TTLL6: variants seen among roughly 807,000 people sequenced by gnomAD.
TTLL6 encodes the protein tubulin polyglutamylase TTLL6.
In TTLL6, 75 loss-of-function variants were observed where a neutral mutation model predicts 96.4. That is an observed-to-expected ratio of 0.78 (90% CI 0.65 to 0.94). The LOEUF (loss-of-function observed/expected upper bound fraction) is 0.94, where lower values mean the gene tolerates loss of function less well. Among genes scored for constraint, TTLL6 ranks in the 40% least tolerant of loss-of-function variants. TTLL6 has a pLI of 0.00. For missense variants in TTLL6, 1,030 were observed against 1,093.0 expected (o/e 0.94, Z 0.81); for synonymous variants, 411 against 419.4 (o/e 0.98, Z 0.24).
In TTLL6 at chr17:48,787,808, T is replaced by C. The variant is rs200455261; in HGVS notation, c.1589+3A>G. ...ACCGACCTCATCCCGGATGTCTTCC[T>C]ACCGGGCATACTCCTCCCGAGCCCT... On this transcript the variant is annotated splice_donor_region_variant and intron_variant, in intron 11 of 15. Coordinates refer to ENST00000393382, the MANE Select transcript of TTLL6 (RefSeq NM_001130918.3). 3.1e-6 allele frequency: 5 copies of C among 1,613,076 alleles called. No homozygotes were observed. In the African/African-American group the frequency reaches 6.7e-5, roughly 21 times the overall value.
At chr17:48,794,452 A>C in intron 8 of TTLL6, 1 of 1,270,536 alleles carries the variant, frequency 7.9e-7, no homozygotes, top group East Asian at 2.6e-5. Context: ...CCAGACCAAG[A>C]AGTGCAGGCT....
chr17:48,787,204 G>A (rs1176740216), intron 11 of TTLL6, among the ~76,000 whole-genome samples: 2 of 152,116 alleles, frequency 1.3e-5, no homozygotes, highest in African/African-American at 2.4e-5. Flanking sequence ...GGAGAGGACT[G>A]GACTCAGTGG....
At chr17:48,794,054 C>T in intron 8 of TTLL6, 1 of 1,213,700 alleles carries the variant, frequency 8.2e-7, no homozygotes, top group Non-Finnish European at 1.2e-6. Context: ...AGGCTGAGCC[C>T]AGCAAGGGCA....
At chr17:48,767,987 G>A (rs539563449) in intron 15 of TTLL6, among the ~76,000 whole-genome samples, 1 of 152,126 alleles carries the variant, frequency 6.6e-6, no homozygotes, top group Admixed American at 6.5e-5. Flanking sequence ...TTCTACTTCT[G>A]GGATCTCCAT....
At chr17:48,781,244 A>T (rs1168930432) in intron 13 of TTLL6, among the ~76,000 whole-genome samples, 1 of 146,442 alleles carries the variant, frequency 6.8e-6, no homozygotes, top group Non-Finnish European at 1.5e-5. Context: ...ATGGGGTTTC[A>T]TGATGTTGGC....
Position 48,791,519 on chromosome 17 carries a change from G to A in TTLL6, c.1083C>T (p.Ile361=). The change falls in exon 9 of 16, where the codon ATC becomes ATT. Residue 361 remains isoleucine, a synonymous_variant. Coordinates refer to ENST00000393382, the MANE Select transcript of TTLL6 (RefSeq NM_001130918.3). ...TGGGGTGGGCCGAGATGAGGGTCTTGATGATGACGTCCTCAATATCCCTCC... is the reference window on the plus strand; with the variant it reads ...TGGGGTGGGCCGAGATGAGGGTCTTAATGATGACGTCCTCAATATCCCTCC... The part of the protein sequence containing the change: ...QIWRDIEDVI[I]KTLISAHPII... 1.9e-6 allele frequency: 3 copies of A among 1,614,202 alleles called. No homozygotes were observed. Among genetic ancestry groups the A allele is most frequent in the Non-Finnish European group, 2.5e-6 (3 of 1,180,040 alleles).
At chr17:48,794,296 A>G (rs1402306201) in intron 8 of TTLL6, 20 of 1,613,272 alleles carry the variant, frequency 1.2e-5, no homozygotes, top group Non-Finnish European at 1.7e-5. Flanking sequence ...GAGGAAAATG[A>G]GAACCTTTCC....
intron 1 of TTLL6, among the ~76,000 whole-genome samples, chr17:48,810,825 G>GTATGTGTGTGTA (rs1555569644): frequency 1.2e-5 from 1 of 84,354 alleles, no homozygotes; most frequent in East Asian, 5.2e-4. Context: ...GTATGTGTGT[G>GTATGTGTGTGTA]TATATATATA....
At chr17:48,787,769 C>T (rs766836734) in intron 11 of TTLL6, 42 bp downstream of exon 11, 1 of 1,578,804 alleles carries the variant, frequency 6.3e-7, no homozygotes, top group Non-Finnish European at 8.6e-7. Context: ...ACACACAATC[C>T]CCAGAACCCC....
chr17:48,775,442 T>C (rs971932572), intron 13 of TTLL6, among the ~76,000 whole-genome samples: 3 of 151,624 alleles, frequency 2.0e-5, no homozygotes, highest in Non-Finnish European at 4.4e-5. Context: ...ACCCACCATA[T>C]TAGCAGTCTA....
intron 8 of TTLL6, among the ~76,000 whole-genome samples, chr17:48,792,536 G>T (rs8068884): frequency 4.6e-5 from 7 of 152,034 alleles, no homozygotes; most frequent in African/African-American, 1.2e-4. Flanking sequence ...CCCAGCCCAA[G>T]GGGTCAAGAA....
Position 48,816,973 on chromosome 17 carries a change from C to A in TTLL6, c.100G>T (p.Ala34Ser). Residue 34 changes from alanine (A) to serine (S), a missense_variant, in exon 1 of 16, where the codon GCG (alanine) becomes TCG (serine). Ala to Ser is a moderately conservative substitution (Grantham distance 99). Transcript: ENST00000393382. ...PAGRDGGVGIAGAWYFPRASS... is the reference protein window; with the variant it reads ...PAGRDGGVGISGAWYFPRASS... ...CCGGGCTTTGGGGCGCTCTTACCCG[C>A]AATTCCTACTCCCCCGTCTCGCCCC... 6.5e-7 allele frequency: 1 copy of A among 1,533,504 alleles called. No individual in the cohort carries two copies. The allele number at this position is 1,533,504 out of a possible 1,614,324, so 95.0% of individuals were successfully genotyped here.
intron 15 of TTLL6, 34 bp from the exon 16 acceptor site, chr17:48,763,007 T>C (rs1260966727): frequency 6.8e-6 from 3 of 437,972 alleles, no homozygotes; most frequent in Non-Finnish European, 1.4e-5. Flanking sequence ...TAGATTTTCC[T>C]TTAAAATGGC....
Position 48,791,334 on chromosome 17 carries a change from C to G in TTLL6, c.1224+44G>C. ...CGGAATCCTTGAAGCGGGCTGGCCCCAATAACAGGAGTTCGTTTTCGCCCC... is the reference window on the plus strand; with the variant it reads ...CGGAATCCTTGAAGCGGGCTGGCCCGAATAACAGGAGTTCGTTTTCGCCCC... On this transcript the variant is annotated intron_variant, in intron 9 of 15. Coordinates refer to ENST00000393382, the MANE Select transcript of TTLL6 (RefSeq NM_001130918.3). The G allele has an allele frequency of 1.9e-6, 3 of 1,557,462 alleles. No homozygotes were observed. The South Asian group carries it at 3.4e-5, about 18-fold the overall frequency.
chr17:48,790,151 G>A (rs749167968), intron 9 of TTLL6, 45 bp from the exon 10 acceptor site: 5 of 1,601,286 alleles, frequency 3.1e-6, no homozygotes, highest in Non-Finnish European at 4.3e-6. Context: ...CGTCCAGAAT[G>A]AAAGCAGAGA....
At chr17:48,798,893 A>T (rs1416537928) in intron 6 of TTLL6, among the ~76,000 whole-genome samples, 1 of 146,052 alleles carries the variant, frequency 6.8e-6, no homozygotes, top group African/African-American at 2.6e-5. Context: ...GCAGTGGCAC[A>T]ATCTTGGCTC....
chr17:48,779,561 G>C (rs959451094), intron 13 of TTLL6, among the ~76,000 whole-genome samples: 1 of 151,918 alleles, frequency 6.6e-6, no homozygotes, highest in Non-Finnish European at 1.5e-5. Context: ...AGTTATACAA[G>C]GAAATGAAAA....
intron 10 of TTLL6, among the ~76,000 whole-genome samples, chr17:48,789,288 C>T (rs183867927): frequency 2.5e-4 from 38 of 152,216 alleles, no homozygotes; most frequent in Non-Finnish European, 5.0e-4. Context: ...TACATTCTGC[C>T]AATATAAACT....
chr17:48,784,975 C>T lies in TTLL6; in HGVS notation c.1988G>A (p.Ser663Asn), dbSNP rs1468069533. 6.2e-7 allele frequency: 1 copy of T among 1,614,064 alleles called. No individual in the cohort carries two copies. Among genetic ancestry groups the T allele is most frequent in the East Asian group, 2.2e-5 (1 of 44,896 alleles). The change falls in exon 13 of 16, where the codon AGC becomes AAC. Residue 663 changes from serine to asparagine, a missense_variant. Coordinates refer to ENST00000393382, the MANE Select transcript of TTLL6 (RefSeq NM_001130918.3). ...SKLEPSKPNF[S>N]IKEAKSASAV... Reference sequence around the variant, plus strand: ...AGAGGCAGACTTGGCCTCCTTGATGCTGAAGTTGGGTTTACTGGGCTCCAA... The same window carrying T: ...AGAGGCAGACTTGGCCTCCTTGATGTTGAAGTTGGGTTTACTGGGCTCCAA...
Sources: allele counts gnomAD v4.1 joint callset (sites outside exome capture counted in the v4.1 genomes callset), GRCh38; gene constraint gnomAD v4.1.1; transcripts MANE v1.5; gene names NCBI Gene and HGNC (gene_info 2026-07-23, HGNC 2026-07-21).